Variants in RIMBP2 observed in about 807,000 individuals in gnomAD.
RIMBP2 encodes RIMS binding protein 2.
Under a neutral mutation model 118.6 loss-of-function variants are expected in RIMBP2, and 48 were observed. The ratio of observed to expected loss-of-function variants is 0.40; its 90% CI spans 0.32 to 0.51. The LOEUF is 0.51. Ranked by LOEUF, RIMBP2 falls within the 20% of genes least tolerant of loss-of-function variation. RIMBP2 has a pLI of 0.41. For missense variants in RIMBP2, 1,551 were observed against 1,768.3 expected, an observed-to-expected ratio of 0.88 and a Z score of 2.20; for synonymous variants, 762 against 742.9, an observed-to-expected ratio of 1.03 and a Z score of -0.42.
intron 4 of RIMBP2, among the ~76,000 whole-genome samples, chr12:130,503,236 A>G (rs2049970450): frequency 1.3e-5 from 2 of 151,510 alleles, no homozygotes; most frequent in African/African-American, 4.9e-5. Context: ...AAAATACAAA[A>G]AAAAAAAATA....
intron 2 of RIMBP2, among the ~76,000 whole-genome samples, chr12:130,537,813 T>G: frequency 6.6e-6 from 1 of 152,220 alleles, no homozygotes; most frequent in East Asian, 1.9e-4. Context: ...CTGCCTAGCA[T>G]GGAGAAGTCA....
At chr12:130,519,040 GC>G (rs1423704622) in intron 2 of RIMBP2, among the ~76,000 whole-genome samples, 1 of 152,254 alleles carries the variant, frequency 6.6e-6, no homozygotes, top group Non-Finnish European at 1.5e-5. Context: ...AACCACACCA[GC>G]TACCAGCTGT....
intron 2 of RIMBP2, among the ~76,000 whole-genome samples, chr12:130,611,992 G>A (rs1471458142): frequency 6.6e-6 from 1 of 152,220 alleles, no homozygotes; most frequent in East Asian, 1.9e-4. Context: ...AGCATGTCCT[G>A]GATAGTTAAG....
intron 4 of RIMBP2, among the ~76,000 whole-genome samples, chr12:130,479,835 C>T (rs754980499): frequency 3.3e-5 from 5 of 151,752 alleles, no homozygotes; most frequent in Non-Finnish European, 7.4e-5. Context: ...ATCCGTCTGT[C>T]CTGCTTGGAG....
chr12:130,671,205 C>G (rs558883168), intron 1 of RIMBP2, among the ~76,000 whole-genome samples: 1 of 152,202 alleles, frequency 6.6e-6, no homozygotes, highest in African/African-American at 2.4e-5. Flanking sequence ...AAATAAGAGA[C>G]CCCGGCCCTG....
chr12:130,490,130 A>AT (rs1310482071), intron 4 of RIMBP2, among the ~76,000 whole-genome samples: 15 of 151,504 alleles, frequency 9.9e-5, no homozygotes, highest in Non-Finnish European at 1.8e-4. Context: ...TCTCAAAAAA[A>AT]AAAAAAAAAA....
intron 6 of RIMBP2, among the ~76,000 whole-genome samples, chr12:130,466,828 A>G (rs1380253206): frequency 6.6e-6 from 1 of 152,220 alleles, no homozygotes; most frequent in Non-Finnish European, 1.5e-5. Context: ...ACAAAGGTAT[A>G]TCTGATTGTT....
intron 9 of RIMBP2, among the ~76,000 whole-genome samples, chr12:130,449,299 T>G (rs779516393): frequency 6.6e-6 from 1 of 152,254 alleles, no homozygotes; most frequent in Non-Finnish European, 1.5e-5. Context: ...TTGCTTTCCT[T>G]ACGATCAGGT....
At chr12:130,438,625 G>T (rs960699092) in intron 11 of RIMBP2, 109 bp from the exon 12 acceptor site, 3 of 883,754 alleles carry the variant, frequency 3.4e-6, no homozygotes, top group East Asian at 6.1e-5. Flanking sequence ...CGGTAAAGTC[G>T]CCAGGGAAAA....
intron 2 of RIMBP2, among the ~76,000 whole-genome samples, chr12:130,541,293 G>A (rs76422871): frequency 0.063 from 9,585 of 152,240 alleles, 387 homozygotes; most frequent in Non-Finnish European, 0.092. Context: ...CTACATGGAC[G>A]CTTGCTTTCT....
intron 1 of RIMBP2, among the ~76,000 whole-genome samples, chr12:130,696,726 T>G (rs915218138): frequency 6.6e-6 from 1 of 151,644 alleles, no homozygotes; most frequent in Non-Finnish European, 1.5e-5. Flanking sequence ...TCAGAAGGAG[T>G]AAGGGGAATT....
At chr12:130,538,917 G>C (rs2054312134) in intron 2 of RIMBP2, among the ~76,000 whole-genome samples, 1 of 152,142 alleles carries the variant, frequency 6.6e-6, no homozygotes, top group Admixed American at 6.5e-5. Context: ...GAGGAAGCAG[G>C]GTGGTCGAGA....
intron 3 of RIMBP2, among the ~76,000 whole-genome samples, chr12:130,517,080 G>A (rs990344009): frequency 4.6e-5 from 7 of 152,114 alleles, no homozygotes; most frequent in Non-Finnish European, 1.0e-4. Context: ...CTGAGAGGTG[G>A]GGCCTTTAAG....
chr12:130,560,663 G>A (rs2056749349), intron 2 of RIMBP2, among the ~76,000 whole-genome samples: 1 of 152,212 alleles, frequency 6.6e-6, no homozygotes, highest in African/African-American at 2.4e-5. Context: ...TCATGAGTCA[G>A]GAGAGCAGCT....
chr12:130,683,299 G>A lies in RIMBP2; in HGVS notation c.-352+32923C>T, dbSNP rs1202879084. ...AGGATGCCAAGGACAGCCGGGGAACGCAGGGAGCCAGGCTCCCCACAGAGC... is the reference window on the plus strand; with the variant it reads ...AGGATGCCAAGGACAGCCGGGGAACACAGGGAGCCAGGCTCCCCACAGAGC... On this transcript the variant is annotated intron_variant, in intron 1 of 22. Transcript: ENST00000690449. The surrounding 1 kb of genome is among the most constrained non-coding windows in gnomAD (Gnocchi z 4.4). Among the ~76,000 whole-genome samples the A allele has an allele frequency of 2.6e-5, 4 of 152,208 alleles. No individual in the cohort carries two copies. Among genetic ancestry groups the A allele is most frequent in the Non-Finnish European group, 4.4e-5 (3 of 68,038 alleles).
At chr12:130,625,674 A>G (rs1221184071) in intron 2 of RIMBP2, among the ~76,000 whole-genome samples, 3 of 152,364 alleles carry the variant, frequency 2.0e-5, no homozygotes, top group African/African-American at 7.2e-5. Context: ...TGCAATTCCA[A>G]GCAGCCAACA....
rs1248923251 is a variant in RIMBP2 at position 130,478,912 on chromosome 12, C to G, written c.102G>C (p.Lys34Asn). ...AKQQEIDLLQKAQVEAKKEHE... is the reference protein window; with the variant it reads ...AKQQEIDLLQNAQVEAKKEHE... ...CCGCGCCCGGCTGCCCGCCGCTTAC[C>G]TTCTGCAGAAGGTCAATTTCCTGCT... The change falls in exon 5 of 23, where the codon AAG (lysine) becomes AAC (asparagine). Residue 34 changes from lysine (K) to asparagine (N), a missense_variant and splice_region_variant. Transcript: ENST00000690449. 6.2e-7 allele frequency: 1 copy of G among 1,611,934 alleles called. No homozygotes were observed. The highest frequency in any genetic ancestry group is 8.5e-7 in the Non-Finnish European group (1 of 1,178,758).
intron 4 of RIMBP2, among the ~76,000 whole-genome samples, chr12:130,498,633 C>CA (rs35549770): frequency 0.56 from 64,294 of 115,474 alleles, 17,900 homozygotes; most frequent in Non-Finnish European, 0.59. Context: ...AAACAGCATT[C>CA]AAAAAAAAAA....
In RIMBP2 at chr12:130,628,353, A is replaced by T. The variant is rs1183858042; in HGVS notation, c.-248T>A. ...GTTTCTCTGCTGAGTTCCTGGTCTC[A>T]GGAGAGGAAGTGGGAAATTTCCCCA... On this transcript the variant is annotated 5_prime_UTR_variant, in exon 2 of 23. Transcript: ENST00000690449. The T allele has an allele frequency of 2.0e-5, 3 of 152,244 alleles. No individual in the cohort carries two copies. Among genetic ancestry groups the T allele is most frequent in the Non-Finnish European group, 4.4e-5 (3 of 68,052 alleles). 9.4% of individuals were successfully genotyped at this position (152,244 alleles called of 1,614,324 possible). A position where few individuals can be genotyped will look rare whatever the true frequency, so the allele number is the denominator to read the frequency against.
Sources: allele counts gnomAD v4.1 joint callset (sites outside exome capture counted in the v4.1 genomes callset), GRCh38; gene constraint gnomAD v4.1.1; non-coding constraint Gnocchi (gnomAD v3.1); transcripts MANE v1.5; gene names NCBI Gene and HGNC (gene_info 2026-07-23, HGNC 2026-07-21).